SYTL1: variants seen among roughly 807,000 people sequenced by gnomAD.
SYTL1 encodes the protein synaptotagmin-like protein 1.
In SYTL1, 53 loss-of-function variants were observed where a neutral mutation model predicts 74.6. The observed-to-expected ratio is 0.71, with a 90% confidence interval of 0.57 to 0.89. The LOEUF is 0.89. Ranked by LOEUF, SYTL1 falls within the 40% of genes least tolerant of loss-of-function variation. The pLI, the probability that SYTL1 is intolerant of heterozygous loss-of-function variation, is 0.00. For missense variants in SYTL1, 728 were observed against 768.7 expected (o/e 0.95, Z 0.63); for synonymous variants, 329 against 324.9 (o/e 1.01, Z -0.14).
At chr1:27,349,941 G>C (rs779429488) in intron 8 of SYTL1, 31 bp from the exon 9 acceptor site, 3 of 1,565,578 alleles carry the variant, frequency 1.9e-6, no homozygotes, top group Admixed American at 3.5e-5. Context: ...CCCTGCGAGC[G>C]GCCCTGACTC....
Position 27,345,940 on chromosome 1 carries a change from C to T in SYTL1, c.191+415C>T, listed in dbSNP as rs1479119163. Among the ~76,000 whole-genome samples, 1 of 152,190 alleles carries T rather than the reference C, an allele frequency of 6.6e-6. No homozygotes were observed. The highest frequency in any genetic ancestry group is 1.5e-5 in the Non-Finnish European group (1 of 68,040). ...GGATTATAGGCACATGCCACCATGC[C>T]CAGCTAATTTTTGTATTTTTAGTAG... On this transcript the variant is annotated intron_variant, in intron 2 of 14. Coordinates refer to ENST00000616558, the MANE Select transcript of SYTL1 (RefSeq NM_001193308.2). This position sits in a 1 kb window ranked among gnomAD's most constrained non-coding sequence, Gnocchi z 6.0.
Position 27,350,763 on chromosome 1 carries a change from T to G in SYTL1, c.1006-31T>G, listed in dbSNP as rs1433585182. The stretch of plus-strand genomic sequence containing the variant: ...CAGCATCTACGCGGGCCACCAGCAG[T>G]GCTCCACTAAAGCTCACCTCCTGTC... On this transcript the variant is annotated intron_variant, in intron 10 of 14. Coordinates refer to ENST00000616558, the MANE Select transcript of SYTL1 (RefSeq NM_001193308.2). This position sits in a 1 kb window ranked among gnomAD's most constrained non-coding sequence, Gnocchi z 6.3. The G allele has an allele frequency of 6.2e-7, 1 of 1,608,722 alleles. No individual in the cohort carries two copies. Among genetic ancestry groups the G allele is most frequent in the East Asian group, 2.2e-5 (1 of 44,714 alleles).
Position 27,349,453 on chromosome 1 carries a change from G to A in SYTL1, c.588G>A (p.Glu196=), listed in dbSNP as rs769250641. Residue 196 remains glutamate (E), a synonymous_variant, in exon 7 of 15, where the codon GAG becomes GAA. Coordinates refer to ENST00000616558, the MANE Select transcript of SYTL1 (RefSeq NM_001193308.2). ...CCGAGGAGGCTGACCCGGAGCTGGA[G>A]CCCGCGTCGGGGGGAGAGCAGGAGC... ...VCAEEADPEL[E]PASGGEQEPR... The A allele has an allele frequency of 4.8e-6, 7 of 1,453,304 alleles. No homozygotes were observed. The African/African-American group carries it at 8.6e-5, about 18-fold the overall frequency. The allele number at this position is 1,453,304 out of a possible 1,614,324, so 90.0% of individuals were successfully genotyped here.
At position 27,349,383 on chromosome 1, in the gene SYTL1, C is replaced by G. The variant is rs749029054; in HGVS notation, c.533-15C>G. 7.6e-6 allele frequency: 11 copies of G among 1,445,348 alleles called. No homozygotes were observed. The highest frequency in any genetic ancestry group is 2.7e-6 in the Non-Finnish European group (3 of 1,096,774). 89.5% of individuals were successfully genotyped at this position (1,445,348 alleles called of 1,614,324 possible). A position where few individuals can be genotyped will look rare whatever the true frequency, so the allele number is the denominator to read the frequency against. ...GCAGGAGAGGGCTCGCTTAGCATCT[C>G]GTGCCCCACCCCAGATCCTGGCCAA... On this transcript the variant is annotated splice_polypyrimidine_tract_variant and intron_variant, in intron 6 of 14. Coordinates refer to ENST00000616558, the MANE Select transcript of SYTL1 (RefSeq NM_001193308.2).
chr1:27,353,433 C>T lies in SYTL1; in HGVS notation c.1494C>T (p.Asp498=). The T allele has an allele frequency of 6.2e-7, 1 of 1,610,366 alleles. No homozygotes were observed. The highest frequency in any genetic ancestry group is 8.5e-7 in the Non-Finnish European group (1 of 1,178,926). ...CTTGTGCCGAGCTCTCCCTCTGGGA[C>T]CATGGGGCCCTGGCCAACCGCCAGC... ...RQACAELSLW[D]HGALANRQLG... The change falls in exon 14 of 15, where the codon GAC becomes GAT. Residue 498 remains aspartate, a synonymous_variant. Coordinates refer to ENST00000616558, the MANE Select transcript of SYTL1 (RefSeq NM_001193308.2).
At chr1:27,349,622 G>C in intron 7 of SYTL1, 30 bp from the exon 8 acceptor site, 2 of 1,576,562 alleles carry the variant, frequency 1.3e-6, no homozygotes, top group Non-Finnish European at 1.7e-6. Context: ...GGGGAAAGAA[G>C]GGGCGCCCCG....
In SYTL1 at chr1:27,342,291, C is replaced by T. The variant is rs752598114; in HGVS notation, c.-39+141C>T. On this transcript the variant is annotated intron_variant, in intron 1 of 14. Coordinates refer to ENST00000616558, the MANE Select transcript of SYTL1 (RefSeq NM_001193308.2). The surrounding 1 kb of genome is among the most constrained non-coding windows in gnomAD (Gnocchi z 4.7). ...GAACTGGAACAGCTGGACAGATGGA[C>T]AGACCCTCCTCTTGACCAATGGGTC... The T allele has an allele frequency of 2.0e-6, 2 of 982,112 alleles. No homozygotes were observed. The highest frequency in any genetic ancestry group is 2.4e-6 in the Non-Finnish European group (2 of 827,008). The allele number at this position is 982,112 out of a possible 1,614,324, so 60.8% of individuals were successfully genotyped here.
intron 13 of SYTL1, chr1:27,352,148 T>C (rs1431925399): frequency 6.6e-6 from 1 of 152,082 alleles, no homozygotes; most frequent in Non-Finnish European, 1.5e-5. Flanking sequence ...GAGACCAGCC[T>C]GACCAACATG....
At chr1:27,349,241 G>T (rs925152934) in intron 6 of SYTL1, 89 bp downstream of exon 6, 14 of 1,515,458 alleles carry the variant, frequency 9.2e-6, no homozygotes, top group Non-Finnish European at 1.3e-5. Context: ...GTTCACCCTC[G>T]TCACCCCCAC....
Position 27,350,219 on chromosome 1 carries a change from A to T in SYTL1, c.908+87A>T, listed in dbSNP as rs2015201833. 1 of 1,485,982 alleles carries T rather than the reference A, an allele frequency of 6.7e-7. No homozygotes were observed. The allele number at this position is 1,485,982 out of a possible 1,614,324, so 92.0% of individuals were successfully genotyped here. On this transcript the variant is annotated intron_variant, in intron 9 of 14. Coordinates refer to ENST00000616558, the MANE Select transcript of SYTL1 (RefSeq NM_001193308.2). This position sits in a 1 kb window ranked among gnomAD's most constrained non-coding sequence, Gnocchi z 6.3. ...TCTCGGCCTCCTCGTCCTCATCTTCAAAATGGGAACAACAGCGTTATTGGG... is the reference window on the plus strand; with the variant it reads ...TCTCGGCCTCCTCGTCCTCATCTTCTAAATGGGAACAACAGCGTTATTGGG...
At position 27,347,801 on chromosome 1, in the gene SYTL1, C is replaced by T. The variant is rs755360512; in HGVS notation, c.341-7C>T. 27 of 1,611,702 alleles carry T rather than the reference C, an allele frequency of 1.7e-5. No individual in the cohort carries two copies. Among genetic ancestry groups the T allele is most frequent in the Middle Eastern group, 1.7e-4 (1 of 5,774 alleles). Reference sequence around the variant, plus strand: ...GGGGGCTCACAGAACTTCTCACCTGCGCCCAGGAGACCAGGCTCCAGGCCA... The same window carrying T: ...GGGGGCTCACAGAACTTCTCACCTGTGCCCAGGAGACCAGGCTCCAGGCCA... On this transcript the variant is annotated splice_polypyrimidine_tract_variant and splice_region_variant and intron_variant, in intron 3 of 14. Transcript: ENST00000616558. The surrounding 1 kb of genome is among the most constrained non-coding windows in gnomAD (Gnocchi z 4.9).
In SYTL1 at chr1:27,350,462, C is replaced by A. The variant is rs764603765; in HGVS notation, c.982C>A (p.Pro328Thr). ...GGCGGTGAAGAAACGGAATCTGAATCCGGTTTTCAACGAGACTCTCCGGGT... is the reference window on the plus strand; with the variant it reads ...GGCGGTGAAGAAACGGAATCTGAATACGGTTTTCAACGAGACTCTCCGGGT... ...KTAVKKRNLN[P>T]VFNETLRYSV... is the part of the protein sequence containing the mutation. The change falls in exon 10 of 15, where the codon CCG becomes ACG. Residue 328 changes from proline to threonine, a missense_variant. Coordinates refer to ENST00000616558, the MANE Select transcript of SYTL1 (RefSeq NM_001193308.2). This position sits in a 1 kb window ranked among gnomAD's most constrained non-coding sequence, Gnocchi z 6.3. 9 of 1,613,872 alleles carry A rather than the reference C, an allele frequency of 5.6e-6. No individual in the cohort carries two copies. The highest frequency in any genetic ancestry group is 7.6e-6 in the Non-Finnish European group (9 of 1,179,902).
In SYTL1 at chr1:27,350,210, C is replaced by T; in HGVS notation, c.908+78C>T. ...TTCACAGGGTCTCGGCCTCCTCGTC[C>T]TCATCTTCAAAATGGGAACAACAGC... is the stretch of plus-strand genomic sequence containing the variant. On this transcript the variant is annotated intron_variant, in intron 9 of 14. Coordinates refer to ENST00000616558, the MANE Select transcript of SYTL1 (RefSeq NM_001193308.2). This position sits in a 1 kb window ranked among gnomAD's most constrained non-coding sequence, Gnocchi z 6.3. 3.4e-6 allele frequency: 5 copies of T among 1,481,282 alleles called. No homozygotes were observed. The highest frequency in any genetic ancestry group is 4.6e-6 in the Non-Finnish European group (5 of 1,098,872). The allele number at this position is 1,481,282 out of a possible 1,614,324, so 91.8% of individuals were successfully genotyped here.
At position 27,351,445 on chromosome 1, in the gene SYTL1, C is replaced by A; in HGVS notation, c.1244-11C>A. The A allele has an allele frequency of 1.3e-6, 2 of 1,517,116 alleles. No homozygotes were observed. Among genetic ancestry groups the A allele is most frequent in the Admixed American group, 2.1e-5 (1 of 46,776 alleles). 94.0% of individuals were successfully genotyped at this position (1,517,116 alleles called of 1,614,324 possible). ...CATCCGTGTGCGGGCCTGAGCCGAG[C>A]CTCTCCGCAGGCGCAGGACTGCCCC... On this transcript the variant is annotated splice_polypyrimidine_tract_variant and intron_variant, in intron 12 of 14. Coordinates refer to ENST00000616558, the MANE Select transcript of SYTL1 (RefSeq NM_001193308.2). The surrounding 1 kb of genome is among the most constrained non-coding windows in gnomAD (Gnocchi z 5.0).
At chr1:27,346,766 A>G (rs1398888586) in intron 2 of SYTL1, among the ~76,000 whole-genome samples, 1 of 152,078 alleles carries the variant, frequency 6.6e-6, no homozygotes, top group Non-Finnish European at 1.5e-5. Flanking sequence ...GTCTCAAAAA[A>G]AAATAATAAA....
chr1:27,351,594 C>A lies in SYTL1; in HGVS notation c.1343+39C>A, dbSNP rs531742875. On this transcript the variant is annotated intron_variant, in intron 13 of 14. Transcript: ENST00000616558. The surrounding 1 kb of genome is among the most constrained non-coding windows in gnomAD (Gnocchi z 5.0). Reference sequence around the variant, plus strand: ...GCCCTCCGGGCTTCCCATTCTTTTGCCTGCAGTGGAGTGCCCAACCTCCAC... The same window carrying A: ...GCCCTCCGGGCTTCCCATTCTTTTGACTGCAGTGGAGTGCCCAACCTCCAC... The A allele has an allele frequency of 3.7e-6, 5 of 1,365,544 alleles. No homozygotes were observed. In the African/African-American group the frequency reaches 5.9e-5, roughly 16 times the overall value. The allele number at this position is 1,365,544 out of a possible 1,614,324, so 84.6% of individuals were successfully genotyped here. A position where few individuals can be genotyped will look rare whatever the true frequency, so the allele number is the denominator to read the frequency against.
chr1:27,344,832 CAA>C (rs913088400), intron 1 of SYTL1: 7 of 82,166 alleles, frequency 8.5e-5, no homozygotes, highest in Non-Finnish European at 1.6e-4. Flanking sequence ...GGCAACAAAG[CAA>C]GACTCCTCAA....
chr1:27,347,605 G>A lies in SYTL1; in HGVS notation c.340+36G>A, dbSNP rs1161968859. The A allele has an allele frequency of 6.2e-7, 1 of 1,606,740 alleles. No individual in the cohort carries two copies. The highest frequency in any genetic ancestry group is 8.5e-7 in the Non-Finnish European group (1 of 1,176,028). ...ATCCTCGGGGCAGGGCAAGCCATGT[G>A]CCGTCCAGGGCGCTGGCTGTATGTG... is the stretch of plus-strand genomic sequence containing the variant. On this transcript the variant is annotated intron_variant, in intron 3 of 14. Coordinates refer to ENST00000616558, the MANE Select transcript of SYTL1 (RefSeq NM_001193308.2). This position sits in a 1 kb window ranked among gnomAD's most constrained non-coding sequence, Gnocchi z 4.9.
rs2015199846 is a variant in SYTL1 at position 27,350,187 on chromosome 1, C to A, written c.908+55C>A. On this transcript the variant is annotated intron_variant, in intron 9 of 14. Coordinates refer to ENST00000616558, the MANE Select transcript of SYTL1 (RefSeq NM_001193308.2). This position sits in a 1 kb window ranked among gnomAD's most constrained non-coding sequence, Gnocchi z 6.3. ...GGCTGTCACAGCCCAGCCCACCATT[C>A]ACAGGGTCTCGGCCTCCTCGTCCTC... The A allele has an allele frequency of 4.8e-6, 7 of 1,459,686 alleles. No individual in the cohort carries two copies. The highest frequency in any genetic ancestry group is 6.4e-6 in the Non-Finnish European group (7 of 1,099,900). 90.4% of individuals were successfully genotyped at this position (1,459,686 alleles called of 1,614,324 possible).
Sources: gnomAD v4.1 joint callset for allele counts (sites outside exome capture counted in the v4.1 genomes callset) on GRCh38, gnomAD v4.1.1 for gene constraint, Gnocchi (gnomAD v3.1) non-coding constraint, MANE v1.5 for transcripts, NCBI Gene and HGNC (gene_info 2026-07-23, HGNC 2026-07-21) for gene names.